The following CLASP1 variants were observed in gnomAD, a reference collection of about 807,000 sequenced individuals.
CLASP1 encodes the protein CLIP-associating protein 1.
CLASP1 carries 38 observed loss-of-function variants against 192.3 expected under a neutral mutation model. The observed-to-expected ratio is 0.20, with a 90% CI of 0.15 to 0.26. The LOEUF is 0.26. Ranked by LOEUF, CLASP1 falls within the 10% of genes least tolerant of loss-of-function variation. The pLI is 1.00. For missense variants in CLASP1, 1,433 were observed against 1,932.5 expected, an observed-to-expected ratio of 0.74 and a Z score of 4.85; for synonymous variants, 691 against 712.8, an observed-to-expected ratio of 0.97 and a Z score of 0.49.
At chr2:121,502,288 A>C (rs1048364217) in intron 8 of CLASP1, among the ~76,000 whole-genome samples, 1 of 152,208 alleles carries the variant, frequency 6.6e-6, no homozygotes, top group African/African-American at 2.4e-5. Context: ...AAAGAACAAT[A>C]AAGGGAATAA....
rs1304080496 is a variant in CLASP1, at chr2:121,531,074, G to C, written c.196-749C>G. The C allele has an allele frequency of 8.7e-6, 6 of 689,860 alleles. No individual in the cohort carries two copies. In the Middle Eastern group the frequency reaches 1.1e-3, roughly 126 times the overall value. The allele number at this position is 689,860 out of a possible 1,614,324, so 42.7% of individuals were successfully genotyped here. A position where few individuals can be genotyped will look rare whatever the true frequency, so the allele number is the denominator to read the frequency against. ...TAATTCGTAAATAAACTAGTACTTT[G>C]TGGTTAAACCAGTAGAGGGTGCACA... On this transcript the variant is annotated intron_variant, in intron 2 of 39. Coordinates refer to ENST00000263710, the Ensembl canonical transcript of CLASP1.
chr2:121,426,069 C>G (rs1275036336), intron 21 of CLASP1, among the ~76,000 whole-genome samples: 1 of 152,068 alleles, frequency 6.6e-6, no homozygotes, highest in African/African-American at 2.4e-5. Context: ...CACTTGAGCC[C>G]AGGAGGTCAA....
chr2:121,416,894 T>C (rs2078685015), intron 23 of CLASP1, among the ~76,000 whole-genome samples: 1 of 152,216 alleles, frequency 6.6e-6, no homozygotes, highest in African/African-American at 2.4e-5. Context: ...TTATGCCTGC[T>C]GACTGCTCCA....
At chr2:121,513,268 T>C (rs966710742) in intron 7 of CLASP1, among the ~76,000 whole-genome samples, 2 of 152,218 alleles carry the variant, frequency 1.3e-5, no homozygotes, top group Admixed American at 1.3e-4. Context: ...CACTCGTGTA[T>C]GCCAAAGTGT....
At chr2:121,542,638 C>T (rs560027120) in intron 2 of CLASP1, among the ~76,000 whole-genome samples, 3 of 152,276 alleles carry the variant, frequency 2.0e-5, no homozygotes, top group South Asian at 2.1e-4. Context: ...AATGCCACTG[C>T]GCAGTCTATT....
At chr2:121,441,909 T>C (rs901053944) in intron 19 of CLASP1, among the ~76,000 whole-genome samples, 5 of 152,198 alleles carry the variant, frequency 3.3e-5, no homozygotes, top group Non-Finnish European at 1.5e-5. Flanking sequence ...CCAGTAAAAT[T>C]GTACTAAAAT....
At chr2:121,355,851 G>C (rs893436961) in intron 37 of CLASP1, among the ~76,000 whole-genome samples, 3 of 152,130 alleles carry the variant, frequency 2.0e-5, no homozygotes, top group Non-Finnish European at 2.9e-5. Context: ...AAGACTTCTG[G>C]GTTATAATCT....
In CLASP1 at chr2:121,427,341, T is replaced by C. The variant is rs2080589087; in HGVS notation, c.2044+63A>G. 5.1e-6 allele frequency: 8 copies of C among 1,569,336 alleles called. No homozygotes were observed. In the Admixed American group the frequency reaches 5.2e-5, roughly 10 times the overall value. ...AGAAATTAATATTGTGCAAGGAACA[T>C]GGGGTCGGGGAGAATGCCAACAACA... On this transcript the variant is annotated intron_variant, in intron 21 of 39. Transcript: ENST00000263710.
intron 8 of CLASP1, among the ~76,000 whole-genome samples, chr2:121,498,464 C>T (rs182866337): frequency 2.0e-3 from 312 of 152,228 alleles, no homozygotes; most frequent in South Asian, 3.3e-3. Flanking sequence ...GTCTCGGTCT[C>T]GCAAAGTGCT....
intron 18 of CLASP1, 134 bp downstream of exon 18, chr2:121,448,142 G>A: frequency 1.4e-6 from 1 of 738,830 alleles, no homozygotes; most frequent in Non-Finnish European, 2.4e-6. Flanking sequence ...GGGCAGGGCA[G>A]AGCAGGCAAC....
chr2:121,407,987 CT>C (rs2077170187), intron 24 of CLASP1: 5 of 534,508 alleles, frequency 9.4e-6, no homozygotes, highest in Non-Finnish European at 1.8e-5. Flanking sequence ...AGATCACAAC[CT>C]TGGTGCCAAC....
chr2:121,430,466 T>C (rs749493854), intron 19 of CLASP1, among the ~76,000 whole-genome samples: 2 of 152,262 alleles, frequency 1.3e-5, no homozygotes, highest in Non-Finnish European at 2.9e-5. Flanking sequence ...ATGTTATCTC[T>C]TCAGACAAGG....
At chr2:121,573,521 A>T (rs1467616119) in intron 2 of CLASP1, among the ~76,000 whole-genome samples, 1 of 152,220 alleles carries the variant, frequency 6.6e-6, no homozygotes, top group African/African-American at 2.4e-5. Flanking sequence ...TTCATTGTCT[A>T]AGTTAATTCT....
At chr2:121,526,039 GTC>G in intron 5 of CLASP1, 119 bp from the exon 6 acceptor site, 1 of 702,496 alleles carries the variant, frequency 1.4e-6, no homozygotes, top group Non-Finnish European at 2.5e-6. Context: ...CTCATACCAA[GTC>G]TCTCTCCATC....
chr2:121,454,344 C>T (rs1232657185), intron 14 of CLASP1, among the ~76,000 whole-genome samples: 2 of 152,172 alleles, frequency 1.3e-5, no homozygotes, highest in African/African-American at 4.8e-5. Context: ...CTCTCCCTCT[C>T]TCCCATGTGA....
In CLASP1 at chr2:121,452,242, C is replaced by A. The variant is rs139660883; in HGVS notation, c.1386-393G>T. 9.0e-4 allele frequency among the ~76,000 whole-genome samples: 137 copies of A among 152,226 alleles called. 1 individual carries two copies. The highest frequency in any genetic ancestry group is 2.7e-3 in the African/African-American group (113 of 41,540). On this transcript the variant is annotated intron_variant, in intron 14 of 39. Transcript: ENST00000263710. ...CACAATCAGGTCTTTGCATTAATTT[C>A]GGAGAATGCTTTGCACAAAAAAAGT...
intron 30 of CLASP1, among the ~76,000 whole-genome samples, chr2:121,388,571 T>C (rs1297872836): frequency 1.3e-5 from 2 of 152,168 alleles, no homozygotes; most frequent in African/African-American, 2.4e-5. Context: ...GGTAGCGAGG[T>C]AGGCAAAGCA....
chr2:121,530,615 C>A lies in CLASP1; in HGVS notation c.196-290G>T, dbSNP rs141556097. The A allele has an allele frequency of 3.2e-3, 1,698 of 531,100 alleles. 4 individuals are homozygous for A. Among genetic ancestry groups the A allele is most frequent in the Middle Eastern group, 5.5e-3 (11 of 1,982 alleles). 32.9% of individuals were successfully genotyped at this position (531,100 alleles called of 1,614,324 possible). On this transcript the variant is annotated intron_variant, in intron 2 of 39. Transcript: ENST00000263710. Reference sequence around the variant, plus strand: ...GTGGAGTTCAAGAGCGCGCCGCGGTCCCGCCCCCGCCAGCCCCGCCCCGGC... The same window carrying A: ...GTGGAGTTCAAGAGCGCGCCGCGGTACCGCCCCCGCCAGCCCCGCCCCGGC...
intron 1 of CLASP1, among the ~76,000 whole-genome samples, chr2:121,623,079 T>C (rs999999347): frequency 2.0e-5 from 3 of 151,922 alleles, no homozygotes; most frequent in Admixed American, 1.3e-4. Flanking sequence ...TCTATATATA[T>C]ATAAATTTTA....
Sources: gnomAD v4.1 joint callset for allele counts (sites outside exome capture counted in the v4.1 genomes callset) on GRCh38, gnomAD v4.1.1 for gene constraint, MANE v1.5 for transcripts, NCBI Gene and HGNC (gene_info 2026-07-23, HGNC 2026-07-21) for gene names.